The following SDK1 variants were observed in gnomAD, a reference collection of about 807,000 sequenced individuals.
SDK1 encodes the protein protein sidekick-1.
In SDK1, 157 loss-of-function variants were observed where a neutral mutation model predicts 245.5. That is an observed-to-expected ratio of 0.64 (90% confidence interval 0.56 to 0.73). The LOEUF (loss-of-function observed/expected upper bound fraction) is 0.73, where lower values mean the gene tolerates loss of function less well. Ranked by LOEUF, SDK1 falls within the 30% of genes least tolerant of loss-of-function variation. SDK1 has a pLI of 0.00. For synonymous variants in SDK1, 1,647 were observed against 1,278.5 expected (o/e 1.29, Z -6.15); for missense variants, 3,583 against 3,002.3 (o/e 1.19, Z -4.52).
Position 4,208,221 on chromosome 7 carries a change from A to G in SDK1, c.5337A>G (p.Ser1779=), listed in dbSNP as rs200418130. The change falls in exon 37 of 45, where the codon TCA becomes TCG. Residue 1779 remains serine, a synonymous_variant. Transcript: ENST00000404826. ...ATACCAAGTACCTGGTCAGCATATCAGCCTTCAACGCCGCCGGAGATGGAC... is the reference window on the plus strand; with the variant it reads ...ATACCAAGTACCTGGTCAGCATATCGGCCTTCAACGCCGCCGGAGATGGAC... ...TSHTKYLVSI[S]AFNAAGDGPK... is the part of the protein sequence containing the mutation. 1.7e-4 allele frequency: 282 copies of G among 1,613,976 alleles called. No homozygotes were observed. Among genetic ancestry groups the G allele is most frequent in the Admixed American group, 2.8e-4 (17 of 59,982 alleles).
Position 3,909,431 on chromosome 7 carries a change from AC to A in SDK1, c.848-41490del, listed in dbSNP as rs1243420158. On this transcript the variant is annotated intron_variant, in intron 5 of 44. Transcript: ENST00000404826. ...GAGTAGCCTCTGCCCATCCTGAGGG[AC>A]CTCCTCCGTCCTCCAGTTGTGGCCT... Among the ~76,000 whole-genome samples the A allele has an allele frequency of 4.0e-5, 6 of 151,720 alleles. No individual in the cohort carries two copies. The South Asian group carries it at 6.3e-4, about 16-fold the overall frequency.
intron 35 of SDK1, among the ~76,000 whole-genome samples, chr7:4,195,408 G>T (rs758206979): frequency 6.6e-6 from 1 of 152,070 alleles, no homozygotes; most frequent in South Asian, 2.1e-4. Flanking sequence ...TTCTCTCTGG[G>T]GTTTCTTGGG....
At chr7:3,762,821 G>A (rs966550625) in intron 4 of SDK1, among the ~76,000 whole-genome samples, 9 of 152,136 alleles carry the variant, frequency 5.9e-5, no homozygotes, top group African/African-American at 1.7e-4. Context: ...TTTTGTTTCC[G>A]TAGTATGACA....
chr7:3,664,476 C>A (rs561010028), intron 4 of SDK1, among the ~76,000 whole-genome samples: 1 of 152,152 alleles, frequency 6.6e-6, no homozygotes, highest in South Asian at 2.1e-4. Flanking sequence ...CAGTGGCTCA[C>A]ACCTGTAAAC....
chr7:4,124,077 T>A (rs543948963), intron 25 of SDK1, among the ~76,000 whole-genome samples: 1 of 152,362 alleles, frequency 6.6e-6, no homozygotes, highest in African/African-American at 2.4e-5. Context: ...TATGGCCTGC[T>A]TTGGGGCTGT....
intron 40 of SDK1, among the ~76,000 whole-genome samples, chr7:4,224,319 G>A (rs1785300408): frequency 6.6e-6 from 1 of 152,246 alleles, no homozygotes; most frequent in Non-Finnish European, 1.5e-5. Flanking sequence ...GGAGACCCCA[G>A]GAAGCTTCCA....
At chr7:4,033,355 A>T (rs1431674267) in intron 17 of SDK1, among the ~76,000 whole-genome samples, 1 of 152,204 alleles carries the variant, frequency 6.6e-6, no homozygotes, top group African/African-American at 2.4e-5. Context: ...AAACTGTACA[A>T]GTACTAGAAT....
intron 44 of SDK1, among the ~76,000 whole-genome samples, chr7:4,250,024 C>G (rs145496941): frequency 1.1e-4 from 17 of 152,314 alleles, no homozygotes; most frequent in African/African-American, 3.6e-4. Flanking sequence ...GCAGTCACTC[C>G]TCAATCTCCC....
intron 4 of SDK1, among the ~76,000 whole-genome samples, chr7:3,681,480 A>C (rs536568553): frequency 3.9e-5 from 6 of 152,334 alleles, no homozygotes; most frequent in African/African-American, 1.4e-4. Flanking sequence ...GAATGGAATT[A>C]CTGGGTCATA....
At chr7:3,966,880 C>G (rs1782124352) in intron 9 of SDK1, among the ~76,000 whole-genome samples, 1 of 152,054 alleles carries the variant, frequency 6.6e-6, no homozygotes, top group African/African-American at 2.4e-5. Context: ...AGACAGGGAT[C>G]TCACTGTGTT....
intron 4 of SDK1, among the ~76,000 whole-genome samples, chr7:3,691,758 G>C (rs1353192395): frequency 2.0e-5 from 3 of 152,114 alleles, no homozygotes; most frequent in African/African-American, 7.2e-5. Context: ...TAAAAAATAG[G>C]GGGCTTGTAG....
chr7:3,668,042 T>A (rs1783590257), intron 4 of SDK1, among the ~76,000 whole-genome samples: 1 of 152,182 alleles, frequency 6.6e-6, no homozygotes, highest in Non-Finnish European at 1.5e-5. Context: ...CTCAGGGAAA[T>A]AATCAGAAAC....
At chr7:4,087,479 G>GCA (rs10660112) in intron 22 of SDK1, among the ~76,000 whole-genome samples, 14,982 of 150,232 alleles carry the variant, frequency 0.1, 1,516 homozygotes, top group African/African-American at 0.26. Flanking sequence ...ACACACGCGC[G>GCA]CACACACACA....
At chr7:3,939,085 T>C (rs1239822060) in intron 5 of SDK1, among the ~76,000 whole-genome samples, 1 of 152,228 alleles carries the variant, frequency 6.6e-6, no homozygotes. Context: ...TATACGACCG[T>C]ATTTCCTCTC....
intron 4 of SDK1, among the ~76,000 whole-genome samples, chr7:3,773,006 G>T (rs950404557): frequency 6.6e-6 from 1 of 152,172 alleles, no homozygotes; most frequent in African/African-American, 2.4e-5. Context: ...TAATTACAAC[G>T]TGTCTCAATG....
At chr7:3,962,528 G>C (rs1038954474) in intron 8 of SDK1, 129 bp from the exon 9 acceptor site, 1 of 762,622 alleles carries the variant, frequency 1.3e-6, no homozygotes, top group African/African-American at 1.8e-5. Flanking sequence ...CTTATAGGGT[G>C]GTTGAAAGCA....
intron 5 of SDK1, among the ~76,000 whole-genome samples, chr7:3,943,944 C>G (rs535678729): frequency 1.3e-5 from 2 of 152,116 alleles, no homozygotes; most frequent in Non-Finnish European, 2.9e-5. Context: ...ACCTGGCGCC[C>G]GTTGGTTGCT....
At chr7:4,108,296 C>G (rs866714451) in intron 22 of SDK1, among the ~76,000 whole-genome samples, 4 of 152,186 alleles carry the variant, frequency 2.6e-5, no homozygotes, top group African/African-American at 9.7e-5. Flanking sequence ...TTCGCCTAGA[C>G]CCTTCCCTTC....
chr7:4,142,520 G>A (rs1779649059), intron 28 of SDK1, among the ~76,000 whole-genome samples: 1 of 152,056 alleles, frequency 6.6e-6, no homozygotes, highest in African/African-American at 2.4e-5. Flanking sequence ...GTAGAGACAG[G>A]GTTTCACCAT....
Sources: gnomAD v4.1 joint callset for allele counts (sites outside exome capture counted in the v4.1 genomes callset) on GRCh38, gnomAD v4.1.1 for gene constraint, MANE v1.5 for transcripts, NCBI Gene and HGNC (gene_info 2026-07-23, HGNC 2026-07-21) for gene names.